The following MAP2 variants were observed in gnomAD, a reference collection of about 807,000 sequenced individuals.
The protein encoded by MAP2 is microtubule associated protein 2, also known as microtubule-associated protein 2.
A neutral mutation model predicts 137.6 loss-of-function variants in MAP2; 14 were observed. The ratio of observed to expected loss-of-function variants is 0.10; its 90% CI spans 0.07 to 0.16. The LOEUF (loss-of-function observed/expected upper bound fraction) is 0.16, where lower values mean the gene tolerates loss of function less well. Ranked by LOEUF, MAP2 falls within the 10% of genes least tolerant of loss-of-function variation. The pLI is 1.00. For synonymous variants in MAP2, 786 were observed against 782.3 expected, an observed-to-expected ratio of 1.00 and a Z score of -0.08; for missense variants, 2,088 against 2,191.5, an observed-to-expected ratio of 0.95 and a Z score of 0.94.
intron 4 of MAP2, among the ~76,000 whole-genome samples, chr2:209,647,056 T>C (rs2094464175): frequency 6.6e-6 from 1 of 152,148 alleles, no homozygotes; most frequent in African/African-American, 2.4e-5. Flanking sequence ...ACAGTCATGG[T>C]AGAAGGCAAA....
At chr2:209,497,965 TAC>T (rs1326959188) in intron 1 of MAP2, among the ~76,000 whole-genome samples, 3 of 152,168 alleles carry the variant, frequency 2.0e-5, no homozygotes, top group Admixed American at 2.0e-4. Flanking sequence ...CATTGCAAAA[TAC>T]AGTCATGCTT....
At chr2:209,509,331 A>G (rs1053301757) in intron 2 of MAP2, among the ~76,000 whole-genome samples, 1 of 151,958 alleles carries the variant, frequency 6.6e-6, no homozygotes, top group Non-Finnish European at 1.5e-5. Context: ...GGGAATACGA[A>G]AATCGAGTGT....
chr2:209,607,775 C>T (rs2085303374), intron 3 of MAP2, among the ~76,000 whole-genome samples: 1 of 152,196 alleles, frequency 6.6e-6, no homozygotes, highest in African/African-American at 2.4e-5. Context: ...CACTGGTGTG[C>T]ACTATTGCTG....
chr2:209,470,467 A>G (rs907296530), intron 1 of MAP2, among the ~76,000 whole-genome samples: 1 of 149,676 alleles, frequency 6.7e-6, no homozygotes, highest in African/African-American at 2.4e-5. Context: ...AAATATATAT[A>G]AACATATATA....
intron 3 of MAP2, among the ~76,000 whole-genome samples, chr2:209,620,013 A>C (rs1446508868): frequency 6.6e-6 from 1 of 152,068 alleles, no homozygotes; most frequent in Non-Finnish European, 1.5e-5. Context: ...GAAGGCTGTG[A>C]GTTGAGCCAC....
At chr2:209,643,413 A>C (rs924434350) in intron 4 of MAP2, among the ~76,000 whole-genome samples, 2 of 152,184 alleles carry the variant, frequency 1.3e-5, no homozygotes, top group African/African-American at 4.8e-5. Context: ...TTTTCAGCAC[A>C]CATGTCTCAG....
intron 14 of MAP2, among the ~76,000 whole-genome samples, chr2:209,727,419 C>T (rs967561707): frequency 3.3e-5 from 5 of 152,180 alleles, no homozygotes; most frequent in African/African-American, 9.7e-5. Context: ...GTCAAACTCA[C>T]CTGTGACCTA....
chr2:209,578,566 G>T (rs1050664233), intron 2 of MAP2, among the ~76,000 whole-genome samples: 6 of 151,678 alleles, frequency 4.0e-5, no homozygotes, highest in African/African-American at 1.5e-4. Context: ...CTTCTTCACA[G>T]CTGGCCTTTT....
chr2:209,456,656 G>T (rs570191453), intron 1 of MAP2, among the ~76,000 whole-genome samples: 3 of 152,296 alleles, frequency 2.0e-5, no homozygotes, highest in African/African-American at 7.2e-5. Flanking sequence ...ACTTGTCCTT[G>T]ATCCCTCAAA....
intron 4 of MAP2, among the ~76,000 whole-genome samples, chr2:209,632,949 G>A (rs1422433666): frequency 6.6e-6 from 1 of 151,990 alleles, no homozygotes; most frequent in Non-Finnish European, 1.5e-5. Context: ...GTAATTTTCA[G>A]TGTATATCAG....
intron 1 of MAP2, among the ~76,000 whole-genome samples, chr2:209,502,087 A>G (rs1333938755): frequency 6.6e-6 from 1 of 152,168 alleles, no homozygotes; most frequent in Non-Finnish European, 1.5e-5. Flanking sequence ...TCACACACTT[A>G]TTGTTTTAAA....
chr2:209,646,572 C>T (rs1229731371), intron 4 of MAP2, among the ~76,000 whole-genome samples: 1 of 152,170 alleles, frequency 6.6e-6, no homozygotes, highest in Non-Finnish European at 1.5e-5. Flanking sequence ...CCAGTCAATA[C>T]TGTAGAAATC....
intron 1 of MAP2, among the ~76,000 whole-genome samples, chr2:209,446,650 G>A (rs1699133296): frequency 6.6e-6 from 1 of 151,774 alleles, no homozygotes; most frequent in Non-Finnish European, 1.5e-5. Context: ...ATAGGTGGAG[G>A]GAAATGAGGT....
intron 5 of MAP2, among the ~76,000 whole-genome samples, chr2:209,659,760 C>T (rs1406757068): frequency 1.3e-5 from 2 of 151,852 alleles, no homozygotes; most frequent in Non-Finnish European, 2.9e-5. Flanking sequence ...GATCACAGAC[C>T]GGGCGTGGTG....
chr2:209,567,721 TATAAC>T (rs781626357), intron 2 of MAP2, among the ~76,000 whole-genome samples: 3 of 152,138 alleles, frequency 2.0e-5, no homozygotes, highest in East Asian at 1.9e-4. Context: ...CGAGTATAAA[TATAAC>T]ATAACATGAA....
At chr2:209,671,821 C>T (rs538651896) in intron 5 of MAP2, among the ~76,000 whole-genome samples, 2 of 151,866 alleles carry the variant, frequency 1.3e-5, no homozygotes, top group East Asian at 1.9e-4. Context: ...AACCTTTGCA[C>T]GTTCAAGTAA....
At chr2:209,537,544 T>G (rs553873126) in intron 2 of MAP2, among the ~76,000 whole-genome samples, 1 of 152,308 alleles carries the variant, frequency 6.6e-6, no homozygotes, top group Admixed American at 6.5e-5. Context: ...AGAAGCTAAT[T>G]ACAGGTATAT....
At chr2:209,463,003 A>G (rs1703217403) in intron 1 of MAP2, among the ~76,000 whole-genome samples, 1 of 152,086 alleles carries the variant, frequency 6.6e-6, no homozygotes, top group Non-Finnish European at 1.5e-5. Flanking sequence ...ACACACGTGC[A>G]CACAAATACG....
At chr2:209,635,998 A>G (rs1308106597) in intron 4 of MAP2, among the ~76,000 whole-genome samples, 1 of 152,106 alleles carries the variant, frequency 6.6e-6, no homozygotes, top group African/African-American at 2.4e-5. Flanking sequence ...ATCTCTGTCA[A>G]ATCATTCTTC....
Sources: gnomAD v4.1 joint callset for allele counts (sites outside exome capture counted in the v4.1 genomes callset) on GRCh38, gnomAD v4.1.1 for gene constraint, MANE v1.5 for transcripts, NCBI Gene and HGNC (gene_info 2026-07-23, HGNC 2026-07-21) for gene names.